Variants in ELOVL6 observed in about 807,000 individuals in gnomAD.
ELOVL6 encodes the protein ELOVL fatty acid elongase 6.
ELOVL6 carries 8 observed loss-of-function variants against 31.7 expected under a neutral mutation model. That is an observed-to-expected ratio of 0.25 (90% CI 0.15 to 0.45). The LOEUF is 0.45. Among genes scored for constraint, ELOVL6 ranks in the 20% least tolerant of loss-of-function variants. The pLI is 1.00. For synonymous variants in ELOVL6, 101 were observed against 117.7 expected (o/e 0.86, Z 0.92); for missense variants, 126 against 326.4 (o/e 0.39, Z 4.73).
chr4:110,081,574 C>T (rs1755852725), intron 2 of ELOVL6, among the ~76,000 whole-genome samples: 1 of 151,330 alleles, frequency 6.6e-6, no homozygotes, highest in South Asian at 2.1e-4. Context: ...CTTCCTTACA[C>T]CTTATACAAA....
chr4:110,084,004 C>CATAACAT (rs1756005472), intron 2 of ELOVL6, among the ~76,000 whole-genome samples: 1 of 8,632 alleles, frequency 1.2e-4, no homozygotes. Context: ...TAACATATGC[C>CATAACAT]ATATATGGTA....
chr4:110,130,877 T>G (rs1185324839), intron 1 of ELOVL6, among the ~76,000 whole-genome samples: 4 of 152,204 alleles, frequency 2.6e-5, no homozygotes, highest in African/African-American at 9.7e-5. Flanking sequence ...GGGTCTGTAT[T>G]TAGGCATTTA....
intron 2 of ELOVL6, among the ~76,000 whole-genome samples, chr4:110,102,946 T>TGGGGAGGGGGGG (rs1756792035): frequency 2.2e-5 from 1 of 44,934 alleles, no homozygotes; most frequent in Non-Finnish European, 4.6e-5. Flanking sequence ...GGGTAGGGGG[T>TGGGGAGGGGGGG]GGGGAGGGGC....
In ELOVL6 at chr4:110,150,202, G is replaced by A. The variant is rs145124438; in HGVS notation, c.90-44574C>T. On this transcript the variant is annotated intron_variant, in intron 1 of 3. Transcript: ENST00000302274. ...GCTGGAATTACAGGTGTGAGCCACC[G>A]TGTTCAGTCTACTTCATGTATTTTC... 3.3e-3 allele frequency among the ~76,000 whole-genome samples: 506 copies of A among 152,188 alleles called. 2 individuals are homozygous for A. The highest frequency in any genetic ancestry group is 0.011 in the African/African-American group (475 of 41,538).
intron 1 of ELOVL6, among the ~76,000 whole-genome samples, chr4:110,142,206 G>A (rs1238191289): frequency 1.3e-5 from 2 of 151,624 alleles, no homozygotes; most frequent in Non-Finnish European, 2.9e-5. Flanking sequence ...AAGTAGCTGG[G>A]ACTACAGGTG....
chr4:110,147,880 C>T (rs1476408849), intron 1 of ELOVL6, among the ~76,000 whole-genome samples: 5 of 151,722 alleles, frequency 3.3e-5, no homozygotes, highest in African/African-American at 7.3e-5. Context: ...TTTGGCAGGC[C>T]GAGGTGGGTG....
chr4:110,071,032 A>G (rs1405367606), intron 2 of ELOVL6, among the ~76,000 whole-genome samples: 4 of 152,166 alleles, frequency 2.6e-5, no homozygotes. Flanking sequence ...CCAACTAACT[A>G]AAAACCAGGG....
At chr4:110,126,853 C>G (rs1005405377) in intron 1 of ELOVL6, among the ~76,000 whole-genome samples, 1 of 152,144 alleles carries the variant, frequency 6.6e-6, no homozygotes, top group African/African-American at 2.4e-5. Context: ...TTCAGCCACT[C>G]TCTTCCAGAA....
At chr4:110,084,193 C>G (rs1428238238) in intron 2 of ELOVL6, among the ~76,000 whole-genome samples, 2 of 42,872 alleles carry the variant, frequency 4.7e-5, no homozygotes, top group African/African-American at 2.6e-4. Context: ...TAACATATAA[C>G]TTATATGATA....
intron 1 of ELOVL6, among the ~76,000 whole-genome samples, chr4:110,110,401 A>ATTTTTTTTTTTTT (rs397878146): frequency 9.1e-6 from 1 of 109,784 alleles, no homozygotes; most frequent in Non-Finnish European, 1.7e-5. Context: ...TTTTCCGCAG[A>ATTTTTTTTTTTTT]TTTTTTTTTT....
At chr4:110,171,345 G>A (rs932107642) in intron 1 of ELOVL6, among the ~76,000 whole-genome samples, 18 of 152,140 alleles carry the variant, frequency 1.2e-4, no homozygotes, top group African/African-American at 4.3e-4. Flanking sequence ...GGAATCAGAG[G>A]TTGCAGTGAG....
In ELOVL6 at chr4:110,133,017, C is replaced by T. The variant is rs192021882; in HGVS notation, c.90-27389G>A. ...GTGGTGGTGGTTGAAGTCATGGACA[C>T]GAATGAGATCATCCAAGGGGAATAT... is the stretch of plus-strand genomic sequence containing the variant. On this transcript the variant is annotated intron_variant, in intron 1 of 3. Transcript: ENST00000302274. Among the ~76,000 whole-genome samples, 35 of 151,630 alleles carry T rather than the reference C, an allele frequency of 2.3e-4. 1 individual carries two copies. The East Asian group carries it at 5.6e-3, about 24-fold the overall frequency.
chr4:110,094,245 T>C (rs1266095203), intron 2 of ELOVL6, among the ~76,000 whole-genome samples: 5 of 124,794 alleles, frequency 4.0e-5, no homozygotes, highest in Non-Finnish European at 6.7e-5. Context: ...CTAAACTCCA[T>C]CTCAAAAAAA....
chr4:110,051,868 C>T lies in ELOVL6; in HGVS notation c.374-106G>A. The stretch of plus-strand genomic sequence containing the variant: ...ATCCTGAGCTAGGACTGGAGAGTTA[C>T]ATAGACTGGATTAGAACCCTGAACT... On this transcript the variant is annotated intron_variant, in intron 3 of 3. Transcript: ENST00000302274. This position sits in a 1 kb window ranked among gnomAD's most constrained non-coding sequence, Gnocchi z 4.8. 2.1e-6 allele frequency: 2 copies of T among 936,190 alleles called. No homozygotes were observed. The highest frequency in any genetic ancestry group is 3.3e-5 in the African/African-American group (2 of 60,476). 58.0% of individuals were successfully genotyped at this position (936,190 alleles called of 1,614,324 possible).
chr4:110,161,918 A>G (rs905388000), intron 1 of ELOVL6, among the ~76,000 whole-genome samples: 10 of 152,178 alleles, frequency 6.6e-5, no homozygotes, highest in African/African-American at 2.4e-4. Context: ...GTTTGCGGTG[A>G]CTTTACAGAA....
chr4:110,084,430 T>TC (rs1560815365), intron 2 of ELOVL6, among the ~76,000 whole-genome samples: 1 of 116,616 alleles, frequency 8.6e-6, no homozygotes, highest in African/African-American at 3.7e-5. Flanking sequence ...ATATCACATA[T>TC]ATCATATATG....
At position 110,161,885 on chromosome 4, in the gene ELOVL6, G is replaced by A. The variant is rs573272534; in HGVS notation, c.89+36362C>T. 1.2e-4 allele frequency among the ~76,000 whole-genome samples: 19 copies of A among 152,240 alleles called. No homozygotes were observed. In the South Asian group the frequency reaches 3.5e-3, roughly 28 times the overall value. ...AACGCTGTATTTCCCTAAGTGCAAG[G>A]GTTCCATATTCACAAGTTCAGTGTT... On this transcript the variant is annotated intron_variant, in intron 1 of 3. Transcript: ENST00000302274.
chr4:110,117,903 A>AAAAAATATAT, intron 1 of ELOVL6: 1 of 6,504 alleles, frequency 1.5e-4, no homozygotes, highest in Non-Finnish European at 3.7e-4. Flanking sequence ...AAAAAAAAAA[A>AAAAAATATAT]ATATATATAT....
chr4:110,149,832 A>G (rs1758232607), intron 1 of ELOVL6, among the ~76,000 whole-genome samples: 1 of 152,232 alleles, frequency 6.6e-6, no homozygotes, highest in African/African-American at 2.4e-5. Context: ...ACCAACATAG[A>G]AAAACATGTT....
Sources: gnomAD v4.1 joint callset for allele counts (sites outside exome capture counted in the v4.1 genomes callset) on GRCh38, gnomAD v4.1.1 for gene constraint, Gnocchi (gnomAD v3.1) non-coding constraint, MANE v1.5 for transcripts, NCBI Gene and HGNC (gene_info 2026-07-23, HGNC 2026-07-21) for gene names.